Variants in ABI3BP observed in about 807,000 individuals in gnomAD.
The protein encoded by ABI3BP is ABI family member 3 binding protein, also known as target of Nesh-SH3.
ABI3BP carries 216 observed loss-of-function variants against 268.6 expected under a neutral mutation model. The observed-to-expected ratio is 0.80, with a 90% CI of 0.72 to 0.90. The LOEUF (loss-of-function observed/expected upper bound fraction) is 0.90. ABI3BP is among the 40% of genes least tolerant of loss of function. ABI3BP has a pLI of 0.00. For missense variants in ABI3BP, 2,090 were observed against 2,182.4 expected, an observed-to-expected ratio of 0.96 and a Z score of 0.84; for synonymous variants, 730 against 730.0, an observed-to-expected ratio of 1.00 and a Z score of 0.00.
intron 67 of ABI3BP, 87 bp from the exon 68 acceptor site, chr3:100,750,697 G>T: frequency 1.1e-6 from 1 of 875,006 alleles, no homozygotes; most frequent in Non-Finnish European, 1.8e-6. Flanking sequence ...TCGTTGACTA[G>T]CTGAAGGCTA....
chr3:100,856,047 G>A (rs1445640134), intron 14 of ABI3BP, among the ~76,000 whole-genome samples: 1 of 152,174 alleles, frequency 6.6e-6, no homozygotes, highest in Admixed American at 6.5e-5. Context: ...CCTGAAATCT[G>A]TTTTCCTACT....
At chr3:100,755,510 A>G (rs1323056952) in intron 63 of ABI3BP, among the ~76,000 whole-genome samples, 1 of 152,156 alleles carries the variant, frequency 6.6e-6, no homozygotes, top group Non-Finnish European at 1.5e-5. Context: ...CTCTCCCTCC[A>G]TACCCCAAAT....
At chr3:100,936,735 T>C (rs2713748) in intron 1 of ABI3BP, among the ~76,000 whole-genome samples, 131,816 of 152,118 alleles carry the variant, frequency 0.87, 57,220 homozygotes, top group East Asian at 1. Context: ...AATTTACCCA[T>C]TTCTTCTAGA....
At chr3:100,829,694 G>C (rs1037138850) in intron 32 of ABI3BP, 30 bp from the exon 33 acceptor site, 1 of 1,491,774 alleles carries the variant, frequency 6.7e-7, no homozygotes, top group Admixed American at 2.0e-5. Flanking sequence ...GGTTAATACA[G>C]CGTGTTTGGT....
At chr3:100,817,017 A>C (rs907571810) in intron 42 of ABI3BP, among the ~76,000 whole-genome samples, 1 of 152,184 alleles carries the variant, frequency 6.6e-6, no homozygotes, top group African/African-American at 2.4e-5. Flanking sequence ...CAAACTCTGG[A>C]TGATAGAGTC....
chr3:100,962,438 A>T (rs1299265159), intron 1 of ABI3BP, among the ~76,000 whole-genome samples: 1 of 152,110 alleles, frequency 6.6e-6, no homozygotes, highest in Admixed American at 6.5e-5. Flanking sequence ...TTAAACACTC[A>T]AATCTCGCTT....
rs188597731 is a variant in ABI3BP, at chr3:100,926,293, A to G, written c.259+9T>C. The G allele has an allele frequency of 2.6e-4, 425 of 1,612,768 alleles. 4 individuals carry two copies. In the East Asian group the frequency reaches 7.4e-3, roughly 28 times the overall value. ...CTTTCCTTCCCAGCCCGATACCCAA[A>G]CACCTTACCAACTATAGCTTCTGTG... On this transcript the variant is annotated intron_variant, in intron 2 of 67. Transcript: ENST00000471714.
intron 26 of ABI3BP, 181 bp from the exon 27 acceptor site, chr3:100,837,352 C>A: frequency 2.2e-6 from 1 of 463,088 alleles, no homozygotes; most frequent in Non-Finnish European, 3.7e-6. Flanking sequence ...AAATTTTATA[C>A]TAATTGGAAT....
chr3:100,750,468 G>A lies in ABI3BP; in HGVS notation c.*27C>T. 1.3e-6 allele frequency: 2 copies of A among 1,544,262 alleles called. No individual in the cohort carries two copies. Among genetic ancestry groups the A allele is most frequent in the East Asian group, 2.3e-5 (1 of 44,362 alleles). On this transcript the variant is annotated 3_prime_UTR_variant, in exon 68 of 68. Coordinates refer to ENST00000471714, the MANE Select transcript of ABI3BP (RefSeq NM_001375547.2). The stretch of plus-strand genomic sequence containing the variant: ...TTCAATGATTTTTGTTTGCAATGAT[G>A]AAACAGAAGGTAACTTTGTGCAGCA...
chr3:100,973,693 G>A (rs769055790), intron 1 of ABI3BP, among the ~76,000 whole-genome samples: 10 of 152,134 alleles, frequency 6.6e-5, no homozygotes, highest in South Asian at 2.1e-4. Context: ...GTCTTTCAAA[G>A]TGTTTAAAGC....
At chr3:100,937,197 C>G (rs2066538855) in intron 1 of ABI3BP, among the ~76,000 whole-genome samples, 1 of 151,920 alleles carries the variant, frequency 6.6e-6, no homozygotes, top group Non-Finnish European at 1.5e-5. Flanking sequence ...ACTGCTAATC[C>G]CAAGTGTTAG....
chr3:100,862,112 A>G (rs2099004892), intron 14 of ABI3BP, among the ~76,000 whole-genome samples, 199 bp downstream of exon 14: 1 of 152,214 alleles, frequency 6.6e-6, no homozygotes, highest in South Asian at 2.1e-4. Flanking sequence ...AGAAATTAGA[A>G]CAGGTGTCTT....
chr3:100,885,282 C>T (rs1052906739), intron 6 of ABI3BP, among the ~76,000 whole-genome samples: 1 of 151,720 alleles, frequency 6.6e-6, no homozygotes, highest in African/African-American at 2.4e-5. Flanking sequence ...CTTGAAATAC[C>T]CAGAATACTA....
At chr3:100,839,456 G>T in intron 24 of ABI3BP, 113 bp downstream of exon 24, 1 of 1,129,812 alleles carries the variant, frequency 8.9e-7, no homozygotes, top group Non-Finnish European at 1.3e-6. Context: ...GAGGAAAAGC[G>T]TGGGATGAAA....
intron 1 of ABI3BP, among the ~76,000 whole-genome samples, chr3:100,983,643 C>T (rs373727275): frequency 7.9e-5 from 12 of 152,180 alleles, no homozygotes; most frequent in African/African-American, 1.9e-4. Flanking sequence ...ATGACTTTTG[C>T]GTGGCCAAGT....
Position 100,978,814 on chromosome 3 carries a change from T to C in ABI3BP, c.79+14492A>G, listed in dbSNP as rs886563461. Among the ~76,000 whole-genome samples, 6 of 152,222 alleles carry C rather than the reference T, an allele frequency of 3.9e-5. No homozygotes were observed. In the East Asian group the frequency reaches 1.2e-3, roughly 29 times the overall value. On this transcript the variant is annotated intron_variant, in intron 1 of 67. Coordinates refer to ENST00000471714, the MANE Select transcript of ABI3BP (RefSeq NM_001375547.2). ...TACTGATTCTGTAAAGAGATCAGCATTATTTCTCAATGCATGGTTAATCTC... is the reference window on the plus strand; with the variant it reads ...TACTGATTCTGTAAAGAGATCAGCACTATTTCTCAATGCATGGTTAATCTC...
intron 49 of ABI3BP, 78 bp from the exon 50 acceptor site, chr3:100,808,313 T>C (rs2097767441): frequency 2.8e-6 from 3 of 1,086,680 alleles, no homozygotes; most frequent in South Asian, 1.7e-5. Flanking sequence ...AGCTCAGGGA[T>C]GTTTACTGAG....
intron 9 of ABI3BP, among the ~76,000 whole-genome samples, chr3:100,867,363 C>T (rs1289346484): frequency 6.6e-6 from 1 of 151,906 alleles, no homozygotes; most frequent in Non-Finnish European, 1.5e-5. Context: ...AATTTCCGGC[C>T]GGGCGTGGTG....
chr3:100,829,650 G>A lies in ABI3BP; in HGVS notation c.2473C>T (p.Gln825Ter). The stretch of plus-strand genomic sequence containing the variant: ...TTGGGATGTGGACGATGAGTTCGTT[G>A]AGGCACTTTGGGAGCTAAAGGAAGA... ...SGTTAAPKVP[Q>*]RTHRPHPKPK... The change falls in exon 33 of 68, where the codon CAA becomes TAA. Residue 825 changes from glutamine to a stop codon, truncating the protein, a stop_gained. Coordinates refer to ENST00000471714, the MANE Select transcript of ABI3BP (RefSeq NM_001375547.2). LOFTEE classifies it high-confidence loss of function. 1 of 1,535,524 alleles carries A rather than the reference G, an allele frequency of 6.5e-7. No homozygotes were observed. Among genetic ancestry groups the A allele is most frequent in the African/African-American group, 1.4e-5 (1 of 73,072 alleles).
Sources: allele counts gnomAD v4.1 joint callset (sites outside exome capture counted in the v4.1 genomes callset), GRCh38; gene constraint gnomAD v4.1.1; transcripts MANE v1.5; gene names NCBI Gene and HGNC (gene_info 2026-07-23, HGNC 2026-07-21).